Variants in B4GALNT3 observed in about 807,000 individuals in gnomAD.
B4GALNT3 encodes the protein beta-1,4-N-acetylgalactosaminyltransferase 3.
A neutral mutation model predicts 120.2 loss-of-function variants in B4GALNT3; 86 were observed. That is an observed-to-expected ratio of 0.72 (90% confidence interval 0.60 to 0.86). The LOEUF is 0.86. Among genes scored for constraint, B4GALNT3 ranks in the 40% least tolerant of loss-of-function variants. The probability of loss-of-function intolerance (pLI) is 0.00; values close to 1 mark genes in which losing one functional copy is unlikely to be tolerated. For synonymous variants in B4GALNT3, 518 were observed against 510.4 expected, an observed-to-expected ratio of 1.01 and a Z score of -0.20; for missense variants, 1,167 against 1,298.9, an observed-to-expected ratio of 0.90 and a Z score of 1.56.
intron 1 of B4GALNT3, among the ~76,000 whole-genome samples, chr12:523,485 C>T (rs1946732110): frequency 6.6e-6 from 1 of 152,174 alleles, no homozygotes; most frequent in Non-Finnish European, 1.5e-5. Flanking sequence ...TCAGCCCTTT[C>T]CTAGATTAGG....
intron 1 of B4GALNT3, among the ~76,000 whole-genome samples, chr12:489,983 T>C (rs902207491): frequency 3.3e-5 from 5 of 152,206 alleles, no homozygotes; most frequent in African/African-American, 1.2e-4. Context: ...CTCAAATATA[T>C]GGATATTTAA....
rs200276738 is a variant in B4GALNT3 at position 471,384 on chromosome 12, C to CA, written c.169+10841dup. On this transcript the variant is annotated intron_variant, in intron 1 of 19. Transcript: ENST00000266383. ...TGGGTGACAGAGTGAGACTCTGTCTCAATAAATAAATAAATAAATAAATAA... is the reference window on the plus strand; with the variant it reads ...TGGGTGACAGAGTGAGACTCTGTCTCAAATAAATAAATAAATAAATAAATAA... Among the ~76,000 whole-genome samples the CA allele has an allele frequency of 3.6e-5, 5 of 137,262 alleles. No homozygotes were observed. The Admixed American group carries it at 3.8e-4, about 10-fold the overall frequency. 90.0% of individuals were successfully genotyped at this position (137,262 alleles called of 152,430 possible).
chr12:543,114 T>C, intron 3 of B4GALNT3: 1 of 1,289,368 alleles, frequency 7.8e-7, no homozygotes, highest in Non-Finnish European at 1.0e-6. Context: ...CCTTCCTGCA[T>C]GGGAGGTCCA....
intron 1 of B4GALNT3, among the ~76,000 whole-genome samples, chr12:505,314 G>A (rs571708126): frequency 1.3e-5 from 2 of 152,334 alleles, no homozygotes; most frequent in East Asian, 1.9e-4. Flanking sequence ...AACAGCTGGT[G>A]AAAGAGCAGA....
At position 562,329 on chromosome 12, in the gene B4GALNT3, A is replaced by T. The variant is rs1442983407; in HGVS notation, c.*878A>T. ...AGGACATGGAGAAGAGGTAAAGAGG[A>T]TGTGGACATATCTGTCAATTTCCTT... On this transcript the variant is annotated 3_prime_UTR_variant, in exon 20 of 20. Coordinates refer to ENST00000266383, the MANE Select transcript of B4GALNT3 (RefSeq NM_173593.4). The surrounding 1 kb of genome is among the most constrained non-coding windows in gnomAD (Gnocchi z 5.2). 1 of 152,362 alleles carries T rather than the reference A, an allele frequency of 6.6e-6. No individual in the cohort carries two copies. Among genetic ancestry groups the T allele is most frequent in the African/African-American group, 2.4e-5 (1 of 41,438 alleles). The allele number at this position is 152,362 out of a possible 1,614,324, so 9.4% of individuals were successfully genotyped here.
chr12:504,894 G>GT (rs113905340), intron 1 of B4GALNT3, among the ~76,000 whole-genome samples: 9,884 of 143,834 alleles, frequency 0.069, 374 homozygotes, highest in South Asian at 0.089. Context: ...TTCATCACAG[G>GT]TTTTTTTTTT....
chr12:555,973 C>T lies in B4GALNT3; in HGVS notation c.2061-574C>T, dbSNP rs182710206. 1.2e-3 allele frequency among the ~76,000 whole-genome samples: 185 copies of T among 151,454 alleles called. 1 individual carries two copies. Among genetic ancestry groups the T allele is most frequent in the African/African-American group, 3.5e-3 (142 of 41,102 alleles). ...TAATTTTTTATATTTTTAGTAGAGA[C>T]AGGGTTTCACCATATTAGCCAGGCT... On this transcript the variant is annotated intron_variant, in intron 14 of 19. Transcript: ENST00000266383.
rs562264125 is a variant in B4GALNT3, at chr12:518,076, AAATT to A, written c.170-17085_170-17082del. ...ACCTTACAGGGCTGTTGTGCATTGG[AAATT>A]AATTCATTCATTTACCTAATTCATC... On this transcript the variant is annotated intron_variant, in intron 1 of 19. Coordinates refer to ENST00000266383, the MANE Select transcript of B4GALNT3 (RefSeq NM_173593.4). 6.2e-3 allele frequency among the ~76,000 whole-genome samples: 944 copies of A among 152,324 alleles called. 16 individuals are homozygous for A. The highest frequency in any genetic ancestry group is 0.022 in the African/African-American group (895 of 41,558).
intron 19 of B4GALNT3, among the ~76,000 whole-genome samples, chr12:559,742 G>A (rs998925314): frequency 1.3e-5 from 2 of 152,126 alleles, no homozygotes; most frequent in African/African-American, 2.4e-5. Context: ...CACCGTGGGA[G>A]AGACTGCATC....
intron 1 of B4GALNT3, among the ~76,000 whole-genome samples, chr12:506,693 G>C (rs1050158739): frequency 1.3e-5 from 2 of 152,054 alleles, no homozygotes; most frequent in African/African-American, 2.4e-5. Flanking sequence ...CTGGAGTGCA[G>C]TGGCGCGGTC....
chr12:543,464 C>T (rs1186705833), intron 3 of B4GALNT3, among the ~76,000 whole-genome samples: 2 of 111,944 alleles, frequency 1.8e-5, no homozygotes, highest in Admixed American at 1.7e-4. Context: ...ATGGGGTGCT[C>T]ATCTTCCTGG....
intron 1 of B4GALNT3, among the ~76,000 whole-genome samples, chr12:470,127 G>T (rs1010683867): frequency 6.6e-6 from 1 of 152,142 alleles, no homozygotes; most frequent in Non-Finnish European, 1.5e-5. Context: ...TGGAAGTTGC[G>T]CACGTCACTA....
At chr12:517,807 C>G (rs1424162315) in intron 1 of B4GALNT3, among the ~76,000 whole-genome samples, 1 of 152,166 alleles carries the variant, frequency 6.6e-6, no homozygotes, top group Non-Finnish European at 1.5e-5. Flanking sequence ...TCCAGTCCAG[C>G]CATGCATTAG....
At position 561,353 on chromosome 12, in the gene B4GALNT3, G is replaced by A; in HGVS notation, c.2899G>A (p.Ala967Thr). Reference protein sequence around the residue: ...DWELLDRILQAGLDVERLSLR... With the variant: ...DWELLDRILQTGLDVERLSLR... ...TTTCTCCTCCTCCAGGATACTCCAA[G>A]CGGGCCTGGACGTGGAGCGTCTCTC... is the stretch of plus-strand genomic sequence containing the variant. The change falls in exon 20 of 20, where the codon GCG becomes ACG. Residue 967 changes from alanine (A) to threonine (T), a missense_variant. By Grantham distance (58) the Ala-to-Thr change is moderately conservative. This residue lies in a region of B4GALNT3 where 983 missense variants were observed against 1,102.5 expected (regional missense o/e 0.89). Transcript: ENST00000266383. The A allele has an allele frequency of 6.2e-7, 1 of 1,613,458 alleles. No individual in the cohort carries two copies. Among genetic ancestry groups the A allele is most frequent in the Non-Finnish European group, 8.5e-7 (1 of 1,179,440 alleles).
intron 1 of B4GALNT3, among the ~76,000 whole-genome samples, chr12:500,865 C>CCTTTTTTTTTTTTTTTT (rs2043817132): frequency 1.6e-5 from 1 of 61,814 alleles, no homozygotes; most frequent in African/African-American, 7.5e-5. Context: ...GGCTCCACTG[C>CCTTTTTTTTTTTTTTTT]TTTTTTTTTT....
intron 1 of B4GALNT3, among the ~76,000 whole-genome samples, chr12:473,355 TAGTGAGGTGGTTACTGC>T (rs1946155423): frequency 6.6e-6 from 1 of 152,146 alleles, no homozygotes; most frequent in African/African-American, 2.4e-5. Flanking sequence ...GGCTAGGATG[TAGTGAGGTGGTTACTGC>T]AGTGACCGAG....
intron 2 of B4GALNT3, 60 bp from the exon 3 acceptor site, chr12:536,158 C>G: frequency 6.9e-7 from 1 of 1,458,144 alleles, no homozygotes; most frequent in Non-Finnish European, 9.6e-7. Flanking sequence ...TGCCTCCTGT[C>G]CTGCCCGTAG....
chr12:525,744 T>A (rs1592041652), intron 1 of B4GALNT3, among the ~76,000 whole-genome samples: 1 of 152,182 alleles, frequency 6.6e-6, no homozygotes, highest in African/African-American at 2.4e-5. Flanking sequence ...GGGGCTCCTG[T>A]CCCACTGTGG....
At chr12:544,009 T>G (rs1370656240) in intron 3 of B4GALNT3, among the ~76,000 whole-genome samples, 7 of 131,708 alleles carry the variant, frequency 5.3e-5, no homozygotes, top group African/African-American at 2.1e-4. Flanking sequence ...CATGGGGTGC[T>G]CATCTTCCCG....
Sources: gnomAD v4.1 joint callset for allele counts (sites outside exome capture counted in the v4.1 genomes callset) on GRCh38, gnomAD v4.1.1 for gene constraint, gnomAD v4.1.1 regional missense constraint, Gnocchi (gnomAD v3.1) non-coding constraint, MANE v1.5 for transcripts, NCBI Gene and HGNC (gene_info 2026-07-23, HGNC 2026-07-21) for gene names.